The following IL1RAPL2 variants were observed in gnomAD, a reference collection of about 807,000 sequenced individuals.
IL1RAPL2 encodes the protein interleukin 1 receptor accessory protein like 2, also known as X-linked interleukin-1 receptor accessory protein-like 2.
A neutral mutation model predicts 44.1 loss-of-function variants in IL1RAPL2; 3 were observed. The observed-to-expected ratio is 0.07, with a 90% CI of 0.03 to 0.18. The LOEUF (loss-of-function observed/expected upper bound fraction) is 0.18. Among genes scored for constraint, IL1RAPL2 ranks in the 10% least tolerant of loss-of-function variants. IL1RAPL2 has a pLI of 1.00. For synonymous variants in IL1RAPL2, 181 were observed against 178.8 expected, an observed-to-expected ratio of 1.01 and a Z score of -0.10; for missense variants, 391 against 496.4, an observed-to-expected ratio of 0.79 and a Z score of 2.02.
chrX:104,627,184 G>T (rs1469837111), intron 1 of IL1RAPL2, among the ~76,000 whole-genome samples: 2 of 109,381 alleles, frequency 1.8e-5, no homozygotes, highest in South Asian at 4.1e-4. Context: ...GCTTGAATTT[G>T]TCTCTTTAAA....
intron 2 of IL1RAPL2, among the ~76,000 whole-genome samples, chrX:105,034,163 G>C (rs191753846): frequency 9.0e-6 from 1 of 111,193 alleles, no homozygotes; most frequent in Non-Finnish European, 1.9e-5. Flanking sequence ...TTTGCCATTG[G>C]TTTGAATTTC....
At chrX:105,372,174 G>A (rs1182830902) in intron 5 of IL1RAPL2, among the ~76,000 whole-genome samples, 1 of 110,980 alleles carries the variant, frequency 9.0e-6, no homozygotes, top group African/African-American at 3.3e-5. Flanking sequence ...AGTGGCTCAC[G>A]ACTGTAATCC....
chrX:105,460,073 T>C (rs2036083048), intron 5 of IL1RAPL2, among the ~76,000 whole-genome samples: 2 of 111,087 alleles, frequency 1.8e-5, no homozygotes, highest in South Asian at 7.5e-4. Context: ...GCTCAGCACC[T>C]ATCTTGACAA....
chrX:105,085,631 AAC>A (rs1337582972), intron 2 of IL1RAPL2, among the ~76,000 whole-genome samples: 1 of 111,725 alleles, frequency 9.0e-6, no homozygotes, highest in African/African-American at 3.3e-5. Flanking sequence ...AAAAAACTAA[AAC>A]TAGAACTTCC....
intron 1 of IL1RAPL2, among the ~76,000 whole-genome samples, chrX:104,657,631 TTAAAC>T (rs1034887216): frequency 2.2e-4 from 24 of 111,581 alleles, no homozygotes; most frequent in Admixed American, 7.6e-4. Flanking sequence ...GGGGATCTAA[TTAAAC>T]TAAAGAGCTT....
chrX:104,654,207 C>T (rs911460957), intron 1 of IL1RAPL2, among the ~76,000 whole-genome samples: 5 of 111,182 alleles, frequency 4.5e-5, no homozygotes, highest in African/African-American at 1.6e-4. Context: ...AGACTCAATA[C>T]TGTTCATTTA....
chrX:105,754,021 G>A (rs1031405493), intron 9 of IL1RAPL2, among the ~76,000 whole-genome samples: 7 of 111,870 alleles, frequency 6.3e-5, no homozygotes, highest in Non-Finnish European at 1.1e-4. Context: ...GGGTTATGCT[G>A]GAAGTAAATG....
chrX:105,091,829 C>T (rs780251791), intron 2 of IL1RAPL2, among the ~76,000 whole-genome samples: 17 of 111,973 alleles, frequency 1.5e-4, no homozygotes, highest in African/African-American at 5.5e-4. Flanking sequence ...GAAGTAGGCA[C>T]TCAACACTTA....
chrX:105,419,355 T>C lies in IL1RAPL2; in HGVS notation c.698-64958T>C, dbSNP rs764516695. Among the ~76,000 whole-genome samples the C allele has an allele frequency of 1.4e-4, 16 of 111,934 alleles. No individual in the cohort carries two copies. In the South Asian group the frequency reaches 5.9e-3, roughly 41 times the overall value. On this transcript the variant is annotated intron_variant, in intron 5 of 10. Transcript: ENST00000372582. ...ATTTTCTAGGAAAATTAGATGGACC[T>C]GTGATAGAAGTAGCATTCGGTATAA...
At chrX:104,877,205 T>C (rs1234215395) in intron 2 of IL1RAPL2, among the ~76,000 whole-genome samples, 1 of 111,652 alleles carries the variant, frequency 9.0e-6, no homozygotes, top group African/African-American at 3.3e-5. Context: ...TGCATGTGTC[T>C]TTATAGCAGC....
At chrX:105,570,129 TC>T (rs1409264045) in intron 6 of IL1RAPL2, among the ~76,000 whole-genome samples, 1 of 111,052 alleles carries the variant, frequency 9.0e-6, no homozygotes, top group Non-Finnish European at 1.9e-5. Context: ...TCTCCCACCT[TC>T]CCCTGAGTCC....
At chrX:104,660,356 G>A (rs183669952) in intron 2 of IL1RAPL2, among the ~76,000 whole-genome samples, 172 of 108,634 alleles carry the variant, frequency 1.6e-3, no homozygotes, top group African/African-American at 5.5e-3. Flanking sequence ...TTCCTTACTC[G>A]GTCATGTCAT....
Position 105,520,923 on chromosome X carries a change from C to CTTTTTTTTT in IL1RAPL2, c.772+36557_772+36565dup, listed in dbSNP as rs1172515228. On this transcript the variant is annotated intron_variant, in intron 6 of 10. Transcript: ENST00000372582. ...CAATATTATAGCTATTTCTTTCTTT[C>CTTTTTTTTT]TTTTTTTTTTTTTTTTTTTTTTTTT... 5.7e-3 allele frequency among the ~76,000 whole-genome samples: 296 copies of CTTTTTTTTT among 52,368 alleles called. 10 individuals are homozygous for CTTTTTTTTT. Among genetic ancestry groups the CTTTTTTTTT allele is most frequent in the Non-Finnish European group, 8.6e-3 (248 of 28,771 alleles). The allele number at this position is 52,368 out of a possible 115,157, so 45.5% of individuals were successfully genotyped here. A position where few individuals can be genotyped will look rare whatever the true frequency, so the allele number is the denominator to read the frequency against.
intron 2 of IL1RAPL2, among the ~76,000 whole-genome samples, chrX:104,781,065 T>A (rs936388297): frequency 1.2e-5 from 1 of 82,057 alleles, no homozygotes; most frequent in Admixed American, 1.3e-4. Context: ...CTTTACTTAG[T>A]TTTATTTTTT....
At chrX:105,043,528 CT>C (rs1344156520) in intron 2 of IL1RAPL2, among the ~76,000 whole-genome samples, 18 of 107,849 alleles carry the variant, frequency 1.7e-4, no homozygotes, top group African/African-American at 5.1e-4. Flanking sequence ...AAATAAGTCC[CT>C]TCCGTCTTTC....
rs181511127 is a variant in IL1RAPL2, at chrX:105,590,101, T to C, written c.772+105714T>C. On this transcript the variant is annotated intron_variant, in intron 6 of 10. Transcript: ENST00000372582. Reference sequence around the variant, plus strand: ...TGTAGATATATTTTGACTCTCTAGTTAGCTGTATTACTAGGTATTTTATTC... The same window carrying C: ...TGTAGATATATTTTGACTCTCTAGTCAGCTGTATTACTAGGTATTTTATTC... Among the ~76,000 whole-genome samples the C allele has an allele frequency of 2.2e-4, 25 of 111,734 alleles. No individual in the cohort carries two copies. In the East Asian group the frequency reaches 6.8e-3, roughly 30 times the overall value.
chrX:105,382,274 A>G (rs2035437992), intron 5 of IL1RAPL2, among the ~76,000 whole-genome samples: 1 of 107,765 alleles, frequency 9.3e-6, no homozygotes, highest in East Asian at 2.9e-4. Flanking sequence ...AATTTACAAG[A>G]AAGAAACAAA....
chrX:105,767,565 T>C lies in IL1RAPL2; in HGVS notation c.1965T>C (p.Leu655=). 1 of 1,210,403 alleles carries C rather than the reference T, an allele frequency of 8.3e-7. No individual in the cohort carries two copies. Among genetic ancestry groups the C allele is most frequent in the Non-Finnish European group, 1.1e-6 (1 of 894,336 alleles). The change falls in exon 11 of 11, where the codon CTT becomes CTC. Residue 655 remains leucine, a synonymous_variant. Coordinates refer to ENST00000372582, the MANE Select transcript of IL1RAPL2 (RefSeq NM_017416.2). ...PLTLLNGQLP[L]NNTLKDTQEF... is the part of the protein sequence containing the mutation. ...CGCTACTCAACGGACAGCTACCCCT[T>C]AATAACACCCTGAAAGATACCCAGG...
At chrX:105,764,756 T>C (rs1416417451) in intron 10 of IL1RAPL2, among the ~76,000 whole-genome samples, 2 of 110,950 alleles carry the variant, frequency 1.8e-5, no homozygotes, top group African/African-American at 6.6e-5. Context: ...CAGAGAGCTG[T>C]GTTTGTGCCA....
Sources: allele counts gnomAD v4.1 joint callset (sites outside exome capture counted in the v4.1 genomes callset), GRCh38; gene constraint gnomAD v4.1.1; transcripts MANE v1.5; gene names NCBI Gene and HGNC (gene_info 2026-07-23, HGNC 2026-07-21).